The following LRRC37A2 variants were observed in gnomAD, a reference collection of about 807,000 sequenced individuals.
LRRC37A2 encodes leucine rich repeat containing 37 member A2, also known as leucine-rich repeat-containing protein 37A2.
LRRC37A2 carries 9 observed loss-of-function variants against 68.8 expected under a neutral mutation model. The ratio of observed to expected loss-of-function variants is 0.13; its 90% CI spans 0.08 to 0.23. LRRC37A2 has a LOEUF of 0.23. LRRC37A2 is among the 10% of genes least tolerant of loss of function. The pLI, the probability that LRRC37A2 is intolerant of heterozygous loss-of-function variation, is 1.00. For missense variants in LRRC37A2, 168 were observed against 950.4 expected, an observed-to-expected ratio of 0.18 and a Z score of 10.82; for synonymous variants, 63 against 367.6, an observed-to-expected ratio of 0.17 and a Z score of 9.48.
chr17:46,608,833 A>G, the LRRC37A2 span, among the ~76,000 whole-genome samples: 1 of 151,656 alleles, frequency 6.6e-6, no homozygotes, highest in Non-Finnish European at 1.5e-5. Flanking sequence ...ATCTCAAGCG[A>G]TCCACCTGCC....
At chr17:46,888,093 T>C in the LRRC37A2 span, among the ~76,000 whole-genome samples, 1 of 152,082 alleles carries the variant, frequency 6.6e-6, no homozygotes, top group Admixed American at 6.5e-5. Flanking sequence ...TAAATAAAAA[T>C]AAAATGTGAT....
chr17:46,850,936 GCGC>G, the LRRC37A2 span, among the ~76,000 whole-genome samples: 1 of 152,220 alleles, frequency 6.6e-6, no homozygotes, highest in African/African-American at 2.4e-5. Flanking sequence ...GGCCCACGCT[GCGC>G]GCCTCGCCGG....
the LRRC37A2 span, among the ~76,000 whole-genome samples, chr17:46,821,697 AC>A: frequency 6.6e-6 from 1 of 152,266 alleles, no homozygotes; most frequent in South Asian, 2.1e-4. Context: ...CGTGGGAAGC[AC>A]TTTTTGTTGT....
the LRRC37A2 span, among the ~76,000 whole-genome samples, chr17:47,029,629 G>C: frequency 2.0e-5 from 3 of 152,216 alleles, no homozygotes; most frequent in Admixed American, 2.0e-4. Context: ...CTTAGGAAAA[G>C]CACACTAAAG....
At chr17:46,760,340 T>G in the LRRC37A2 span, among the ~76,000 whole-genome samples, 28 of 152,062 alleles carry the variant, frequency 1.8e-4, no homozygotes, top group African/African-American at 2.2e-4. Context: ...TCTTATTGAT[T>G]GAAAAAGTAC....
the LRRC37A2 span, among the ~76,000 whole-genome samples, chr17:46,765,305 CACTCG>C: frequency 1.6e-3 from 246 of 152,346 alleles, no homozygotes; most frequent in African/African-American, 5.7e-3. Flanking sequence ...GCAGCCAGGC[CACTCG>C]ACTCTTGCCA....
At chr17:46,721,285 C>G in the LRRC37A2 span, among the ~76,000 whole-genome samples, 2 of 152,196 alleles carry the variant, frequency 1.3e-5, no homozygotes, top group Non-Finnish European at 2.9e-5. Flanking sequence ...CACAGGTGGA[C>G]ATAACGGGCT....
At chr17:46,814,193 C>A in the LRRC37A2 span, among the ~76,000 whole-genome samples, 1 of 152,176 alleles carries the variant, frequency 6.6e-6, no homozygotes, top group Admixed American at 6.5e-5. Flanking sequence ...CCTCTTGGCC[C>A]CGGAGCTGTT....
the LRRC37A2 span, among the ~76,000 whole-genome samples, chr17:46,873,843 A>T: frequency 6.6e-6 from 1 of 152,038 alleles, no homozygotes; most frequent in Non-Finnish European, 1.5e-5. Context: ...TACAAAAATT[A>T]GCTGGCATGG....
the LRRC37A2 span, among the ~76,000 whole-genome samples, chr17:46,967,827 G>T: frequency 6.6e-6 from 1 of 152,112 alleles, no homozygotes; most frequent in African/African-American, 2.4e-5. Context: ...AGATAAAGAG[G>T]GGGGTAGGGG....
chr17:46,678,404 A>C, the LRRC37A2 span, among the ~76,000 whole-genome samples: 4 of 130,754 alleles, frequency 3.1e-5, no homozygotes, highest in Non-Finnish European at 6.5e-5. Context: ...CAGGTTAGAC[A>C]CATCTGAAGA....
At chr17:47,039,858 C>A in the LRRC37A2 span, among the ~76,000 whole-genome samples, 2 of 146,730 alleles carry the variant, frequency 1.4e-5, no homozygotes, top group African/African-American at 5.0e-5. Flanking sequence ...CACTTTCATT[C>A]ATTTTTATTT....
chr17:46,996,985 G>A, the LRRC37A2 span, among the ~76,000 whole-genome samples: 2 of 152,218 alleles, frequency 1.3e-5, no homozygotes, highest in Non-Finnish European at 2.9e-5. Context: ...TCATGGAATA[G>A]TTAACGAGGA....
At chr17:46,896,987 T>C in the LRRC37A2 span, among the ~76,000 whole-genome samples, 3 of 152,128 alleles carry the variant, frequency 2.0e-5, no homozygotes, top group Admixed American at 1.3e-4. Flanking sequence ...AGACTGTGAC[T>C]CTCCCACGTT....
At chr17:46,891,540 G>T in the LRRC37A2 span, among the ~76,000 whole-genome samples, 3 of 152,156 alleles carry the variant, frequency 2.0e-5, no homozygotes, top group African/African-American at 4.8e-5. Context: ...CAAGGGGTAC[G>T]CAGCCAGGGG....
chr17:46,912,549 G>T, the LRRC37A2 span, among the ~76,000 whole-genome samples: 1 of 152,174 alleles, frequency 6.6e-6, no homozygotes, highest in Non-Finnish European at 1.5e-5. Context: ...GGACTCTCTA[G>T]GGAGGACAAC....
the LRRC37A2 span, among the ~76,000 whole-genome samples, chr17:46,925,831 T>C: frequency 6.6e-6 from 1 of 152,160 alleles, no homozygotes; most frequent in African/African-American, 2.4e-5. Flanking sequence ...CTCCTGAACC[T>C]ACCTGAACAA....
chr17:46,785,909 TC>T, the LRRC37A2 span, among the ~76,000 whole-genome samples: 1 of 152,236 alleles, frequency 6.6e-6, no homozygotes, highest in African/African-American at 2.4e-5. Flanking sequence ...GCTTCTGTTC[TC>T]CAAAGCAGCT....
At chr17:46,881,064 G>C in the LRRC37A2 span, among the ~76,000 whole-genome samples, 1 of 152,358 alleles carries the variant, frequency 6.6e-6, no homozygotes, top group Non-Finnish European at 1.5e-5. Context: ...TTCCCAACAT[G>C]CTTTGGGAGG....
Sources: gnomAD v4.1 joint callset for allele counts (sites outside exome capture counted in the v4.1 genomes callset) on GRCh38, gnomAD v4.1.1 for gene constraint, MANE v1.5 for transcripts, NCBI Gene and HGNC (gene_info 2026-07-23, HGNC 2026-07-21) for gene names.